Variants in CCDC149 observed in about 807,000 individuals in gnomAD.
CCDC149 encodes coiled-coil domain-containing protein 149.
A neutral mutation model predicts 59.9 loss-of-function variants in CCDC149; 45 were observed. The observed-to-expected ratio is 0.75, with a 90% confidence interval of 0.59 to 0.96. The LOEUF is 0.96. Ranked by LOEUF, CCDC149 falls within the 40% of genes least tolerant of loss-of-function variation. The probability of loss-of-function intolerance (pLI) is 0.00; values close to 1 mark genes in which losing one functional copy is unlikely to be tolerated. For synonymous variants in CCDC149, 245 were observed against 260.6 expected (o/e 0.94, Z 0.58); for missense variants, 584 against 664.7 (o/e 0.88, Z 1.33).
chr4:24,884,938 AT>A (rs1720070462), intron 1 of CCDC149, among the ~76,000 whole-genome samples: 1 of 152,140 alleles, frequency 6.6e-6, no homozygotes, highest in Non-Finnish European at 1.5e-5. Flanking sequence ...GGGTAGAGGG[AT>A]ACATCTTGGT....
intron 3 of CCDC149, among the ~76,000 whole-genome samples, chr4:24,868,425 C>G (rs1187314214): frequency 1.3e-5 from 2 of 152,182 alleles, no homozygotes; most frequent in African/African-American, 4.8e-5. Context: ...ACTCCTAGAG[C>G]TATTTCCCCA....
chr4:24,804,979 G>C (rs1714080577), downstream of CCDC149, among the ~76,000 whole-genome samples: 1 of 152,204 alleles, frequency 6.6e-6, no homozygotes, highest in Admixed American at 6.5e-5. Context: ...GGGAGCAAGA[G>C]AAGGAACGGG....
intron 1 of CCDC149, among the ~76,000 whole-genome samples, chr4:24,919,298 T>G (rs540985189): frequency 6.6e-6 from 1 of 152,162 alleles, no homozygotes; most frequent in Non-Finnish European, 1.5e-5. Flanking sequence ...TTGGAGTAGA[T>G]AGCCATGTTC....
At chr4:24,932,565 G>C (rs113573887) in intron 1 of CCDC149, among the ~76,000 whole-genome samples, 6 of 152,258 alleles carry the variant, frequency 3.9e-5, no homozygotes, top group African/African-American at 1.4e-4. Flanking sequence ...AGTCTATTTG[G>C]TCTTCTTTTG....
At chr4:24,948,792 C>A (rs554002073) in intron 1 of CCDC149, among the ~76,000 whole-genome samples, 17 of 152,218 alleles carry the variant, frequency 1.1e-4, no homozygotes, top group African/African-American at 3.9e-4. Context: ...TGGGAGGGAC[C>A]TGGTGGGAGG....
intron 1 of CCDC149, among the ~76,000 whole-genome samples, chr4:24,908,216 T>C (rs1477060439): frequency 6.6e-6 from 1 of 152,180 alleles, no homozygotes; most frequent in Non-Finnish European, 1.5e-5. Context: ...AGCCAGTAAA[T>C]TGCCTCTAAG....
intron 12 of CCDC149, among the ~76,000 whole-genome samples, chr4:24,814,614 A>G (rs534185946): frequency 2.0e-5 from 3 of 152,330 alleles, no homozygotes; most frequent in Non-Finnish European, 4.4e-5. Flanking sequence ...CTTTACTTCA[A>G]TAAGATCCTG....
intron 4 of CCDC149, among the ~76,000 whole-genome samples, chr4:24,840,375 A>G (rs573425485): frequency 2.0e-5 from 3 of 152,340 alleles, no homozygotes; most frequent in Non-Finnish European, 2.9e-5. Flanking sequence ...CTCATTATCC[A>G]TGGATTCTGT....
chr4:24,839,983 G>A (rs576539169), intron 4 of CCDC149, among the ~76,000 whole-genome samples: 53 of 152,256 alleles, frequency 3.5e-4, no homozygotes, highest in Non-Finnish European at 6.6e-4. Context: ...TAAGGGATTC[G>A]TTGCCAGTCG....
intron 1 of CCDC149, among the ~76,000 whole-genome samples, chr4:24,933,071 G>T (rs139487476): frequency 3.3e-5 from 5 of 152,276 alleles, no homozygotes; most frequent in African/African-American, 9.6e-5. Context: ...AACAGAAAAT[G>T]ATCTTCTTCT....
chr4:24,940,655 C>T (rs1355140999), intron 1 of CCDC149, among the ~76,000 whole-genome samples: 2 of 152,178 alleles, frequency 1.3e-5, no homozygotes, highest in Non-Finnish European at 2.9e-5. Context: ...AAACCCATCT[C>T]ACATGCAGAG....
At chr4:24,823,269 C>A (rs766491297) in intron 9 of CCDC149, among the ~76,000 whole-genome samples, 10 of 152,104 alleles carry the variant, frequency 6.6e-5, no homozygotes, top group Non-Finnish European at 1.2e-4. Context: ...CCAAGGTGAC[C>A]ATTCTGAGTC....
At chr4:24,836,852 G>GAC (rs891438839) in intron 6 of CCDC149, among the ~76,000 whole-genome samples, 8 of 152,052 alleles carry the variant, frequency 5.3e-5, no homozygotes, top group African/African-American at 1.7e-4. Context: ...CATTAAGTTA[G>GAC]ACACACACAC....
intron 1 of CCDC149, among the ~76,000 whole-genome samples, chr4:24,893,481 C>G (rs915331294): frequency 6.6e-6 from 1 of 152,134 alleles, no homozygotes; most frequent in Non-Finnish European, 1.5e-5. Context: ...ACAATCAGAA[C>G]TCTGTGTCAC....
intron 1 of CCDC149, among the ~76,000 whole-genome samples, chr4:24,959,052 C>A (rs1577506858): frequency 6.6e-6 from 1 of 152,034 alleles, no homozygotes; most frequent in East Asian, 1.9e-4. Context: ...TGGCTCACTG[C>A]AAGCTCCGCC....
upstream of CCDC149, among the ~76,000 whole-genome samples, chr4:24,914,014 AGTT>A (rs1448390045): frequency 6.6e-6 from 1 of 152,214 alleles, no homozygotes; most frequent in Admixed American, 6.5e-5. Context: ...TAGGTTGAGA[AGTT>A]GTGAACCCAT....
chr4:24,971,337 G>A (rs561085763), intron 1 of CCDC149, among the ~76,000 whole-genome samples: 24 of 152,278 alleles, frequency 1.6e-4, no homozygotes, highest in Admixed American at 3.9e-4. Flanking sequence ...CCCGGGGGAC[G>A]CCCTCGGCCT....
intron 12 of CCDC149, among the ~76,000 whole-genome samples, chr4:24,813,683 T>A (rs1180934795): frequency 6.6e-6 from 1 of 151,968 alleles, no homozygotes; most frequent in East Asian, 1.9e-4. Flanking sequence ...TTGATATGCA[T>A]GGTATGTGGT....
chr4:24,974,533 G>A (rs752662780), intron 1 of CCDC149, among the ~76,000 whole-genome samples: 1 of 152,134 alleles, frequency 6.6e-6, no homozygotes, highest in Non-Finnish European at 1.5e-5. Context: ...TCTGTCATGA[G>A]GATTTCATAA....
Sources: allele counts gnomAD v4.1 joint callset (sites outside exome capture counted in the v4.1 genomes callset), GRCh38; gene constraint gnomAD v4.1.1; transcripts MANE v1.5; gene names NCBI Gene and HGNC (gene_info 2026-07-23, HGNC 2026-07-21).